MGAT4C: variants seen among roughly 807,000 people sequenced by gnomAD.
MGAT4C encodes the protein MGAT4 family member C, also known as alpha-1,3-mannosyl-glycoprotein 4-beta-N-acetylglucosaminyltransferase C.
Under a neutral mutation model 40.1 loss-of-function variants are expected in MGAT4C, and 19 were observed. The observed-to-expected ratio is 0.47, with a 90% confidence interval of 0.33 to 0.70. MGAT4C has a LOEUF of 0.70. MGAT4C is among the 30% of genes least tolerant of loss of function. The probability of loss-of-function intolerance (pLI) is 0.02; values close to 1 mark genes in which losing one functional copy is unlikely to be tolerated. For missense variants in MGAT4C, 491 were observed against 563.2 expected, an observed-to-expected ratio of 0.87 and a Z score of 1.30; for synonymous variants, 181 against 187.1, an observed-to-expected ratio of 0.97 and a Z score of 0.27.
intron 2 of MGAT4C, among the ~76,000 whole-genome samples, chr12:86,511,015 C>T (rs1958572043): frequency 1.3e-5 from 2 of 152,132 alleles, no homozygotes; most frequent in African/African-American, 4.8e-5. Context: ...CAGAACTCTC[C>T]ACCTCAAATC....
At chr12:86,118,460 C>T (rs1011337635) in intron 1 of MGAT4C, among the ~76,000 whole-genome samples, 5 of 152,112 alleles carry the variant, frequency 3.3e-5, no homozygotes, top group African/African-American at 4.8e-5. Context: ...CAACATGAAA[C>T]ATTCTGTGAA....
Position 86,419,721 on chromosome 12 carries a change from G to T in MGAT4C, c.-120+15436C>A, listed in dbSNP as rs575159982. On this transcript the variant is annotated intron_variant, in intron 3 of 7. Coordinates refer to the MGAT4C transcript ENST00000548651. ...CACTTCATGAAGTTTTCTTGTAGTG[G>T]ATGGTAATGAAAGAAAAATGAGACC... Among the ~76,000 whole-genome samples, 3 of 152,248 alleles carry T rather than the reference G, an allele frequency of 2.0e-5. No individual in the cohort carries two copies. The South Asian group carries it at 6.2e-4, about 32-fold the overall frequency.
intron 2 of MGAT4C, among the ~76,000 whole-genome samples, chr12:86,705,216 CTCTATCTATCTA>C (rs36154098): frequency 0.01 from 1,493 of 147,696 alleles, 12 homozygotes; most frequent in South Asian, 0.022. Context: ...TGTCTATTAT[CTCTATCTATCTA>C]TCTATCTATC....
intron 1 of MGAT4C, among the ~76,000 whole-genome samples, chr12:86,128,162 G>A (rs1219703619): frequency 6.6e-6 from 1 of 152,252 alleles, no homozygotes; most frequent in East Asian, 1.9e-4. Flanking sequence ...TTAGGCGACA[G>A]GAATTTCTGA....
chr12:86,751,221 G>T (rs2559808), intron 1 of MGAT4C, among the ~76,000 whole-genome samples: 1 of 151,972 alleles, frequency 6.6e-6, no homozygotes, highest in Admixed American at 6.6e-5. Context: ...GAACATTCTA[G>T]AAACTTAGGT....
At chr12:86,425,316 G>T (rs926551480) in intron 3 of MGAT4C, among the ~76,000 whole-genome samples, 1 of 152,152 alleles carries the variant, frequency 6.6e-6, no homozygotes, top group Non-Finnish European at 1.5e-5. Flanking sequence ...GGATCATGGG[G>T]GGTGTTTACC....
At chr12:86,230,396 G>A (rs1951265259) in intron 1 of MGAT4C, among the ~76,000 whole-genome samples, 1 of 152,078 alleles carries the variant, frequency 6.6e-6, no homozygotes, top group Admixed American at 6.5e-5. Flanking sequence ...ATCAATATAA[G>A]TGAACAAGCT....
chr12:86,182,210 T>C (rs1888205718), intron 1 of MGAT4C, among the ~76,000 whole-genome samples: 1 of 152,162 alleles, frequency 6.6e-6, no homozygotes, highest in African/African-American at 2.4e-5. Flanking sequence ...CATTTTTCTC[T>C]TCTATCTTTA....
At chr12:86,491,639 T>C (rs1161310718) in intron 2 of MGAT4C, among the ~76,000 whole-genome samples, 5 of 151,780 alleles carry the variant, frequency 3.3e-5, no homozygotes, top group East Asian at 1.9e-4. Context: ...ATTGATGGGA[T>C]GTATCTCAAA....
At chr12:86,526,037 G>T (rs1958874666) in intron 2 of MGAT4C, among the ~76,000 whole-genome samples, 1 of 152,222 alleles carries the variant, frequency 6.6e-6, no homozygotes, top group African/African-American at 2.4e-5. Flanking sequence ...AACAGTGGTG[G>T]ATACAATAAA....
intron 2 of MGAT4C, among the ~76,000 whole-genome samples, chr12:86,020,626 A>T (rs1322607792): frequency 1.3e-5 from 2 of 152,222 alleles, no homozygotes; most frequent in African/African-American, 4.8e-5. Context: ...CTAAAACCAT[A>T]AAAACCCTAG....
At chr12:86,655,779 C>T (rs1565907256) in intron 2 of MGAT4C, among the ~76,000 whole-genome samples, 1 of 152,070 alleles carries the variant, frequency 6.6e-6, no homozygotes, top group Non-Finnish European at 1.5e-5. Flanking sequence ...CGTTTCAAAT[C>T]CTGTCTGTCA....
chr12:86,364,039 T>A (rs2136204994), intron 3 of MGAT4C, among the ~76,000 whole-genome samples: 1 of 152,036 alleles, frequency 6.6e-6, no homozygotes, highest in South Asian at 2.1e-4. Context: ...AATGGTCCTC[T>A]ATCTGTAAAA....
intron 2 of MGAT4C, among the ~76,000 whole-genome samples, chr12:86,018,050 A>C (rs1264857557): frequency 6.6e-6 from 1 of 152,120 alleles, no homozygotes; most frequent in Non-Finnish European, 1.5e-5. Flanking sequence ...TGTGCATGTA[A>C]TCACAAATTC....
intron 3 of MGAT4C, among the ~76,000 whole-genome samples, chr12:86,426,957 A>G (rs1592833438): frequency 6.6e-6 from 1 of 152,120 alleles, no homozygotes; most frequent in Non-Finnish European, 1.5e-5. Context: ...AAAAAAAGAA[A>G]AAGAAGAAGA....
intron 1 of MGAT4C, chr12:86,068,525 A>G (rs1347188430): frequency 2.7e-5 from 4 of 149,204 alleles, no homozygotes; most frequent in Non-Finnish European, 1.5e-5. Context: ...AGGAACATAA[A>G]TATATAGATA....
chr12:86,288,443 C>T lies in MGAT4C; in HGVS notation c.-57+45622G>A, dbSNP rs547463840. On this transcript the variant is annotated intron_variant, in intron 4 of 7. Transcript: ENST00000548651. ...GCCCATGCCTATGTCCTGAATGGTA[C>T]TGCCTAGGTTTTTTTCTAGGGTTTT... is the stretch of plus-strand genomic sequence containing the variant. Among the ~76,000 whole-genome samples, 184 of 152,044 alleles carry T rather than the reference C, an allele frequency of 1.2e-3. 1 individual carries two copies. The highest frequency in any genetic ancestry group is 4.3e-3 in the African/African-American group (177 of 41,506).
intron 2 of MGAT4C, among the ~76,000 whole-genome samples, chr12:86,598,222 TTGAA>T (rs1258982406): frequency 2.0e-5 from 3 of 152,174 alleles, no homozygotes; most frequent in Non-Finnish European, 2.9e-5. Context: ...TGCAAGTTAT[TTGAA>T]GTCTTTTATA....
At chr12:86,212,749 G>A (rs1478183068) in intron 1 of MGAT4C, among the ~76,000 whole-genome samples, 3 of 127,568 alleles carry the variant, frequency 2.4e-5, no homozygotes, top group Admixed American at 1.6e-4. Flanking sequence ...AAAATTAGCC[G>A]GGCGTAGTGG....
Sources: gnomAD v4.1 joint callset for allele counts (sites outside exome capture counted in the v4.1 genomes callset) on GRCh38, gnomAD v4.1.1 for gene constraint, MANE v1.5 for transcripts, NCBI Gene and HGNC (gene_info 2026-07-23, HGNC 2026-07-21) for gene names.